Variants in CD109 observed in about 807,000 individuals in gnomAD.
The protein encoded by CD109 is CD109 molecule, also known as CD109 antigen.
Under a neutral mutation model 165.8 loss-of-function variants are expected in CD109, and 149 were observed. The ratio of observed to expected loss-of-function variants is 0.90; its 90% confidence interval spans 0.79 to 1.03. The LOEUF is 1.03. Among genes scored for constraint, CD109 ranks in the 50% least tolerant of loss-of-function variants. CD109 has a pLI of 0.00. For synonymous variants in CD109, 585 were observed against 592.1 expected (o/e 0.99, Z 0.18); for missense variants, 1,712 against 1,677.8 (o/e 1.02, Z -0.36).
At chr6:73,771,250 A>G (rs1774021906) in intron 14 of CD109, among the ~76,000 whole-genome samples, 179 bp from the exon 15 acceptor site, 1 of 152,010 alleles carries the variant, frequency 6.6e-6, no homozygotes, top group African/African-American at 2.4e-5. Flanking sequence ...ACTTGCAAAC[A>G]CTCTGGGCGT....
chr6:73,718,520 G>T (rs1263872152), intron 2 of CD109, among the ~76,000 whole-genome samples: 3 of 151,222 alleles, frequency 2.0e-5, no homozygotes, highest in Non-Finnish European at 4.4e-5. Flanking sequence ...TGTAGTTTTT[G>T]CCCTTCATTC....
intron 25 of CD109, among the ~76,000 whole-genome samples, chr6:73,807,415 A>G (rs16884139): frequency 0.1 from 15,762 of 152,254 alleles, 1,090 homozygotes; most frequent in East Asian, 0.31. Flanking sequence ...GTGTTCTAGC[A>G]AGTTTAGATT....
intron 2 of CD109, among the ~76,000 whole-genome samples, chr6:73,708,850 G>GT (rs1256640425): frequency 4.6e-5 from 7 of 151,748 alleles, no homozygotes; most frequent in East Asian, 1.9e-4. Flanking sequence ...GGGGTTGTTT[G>GT]TTTTTTTTCT....
intron 30 of CD109, among the ~76,000 whole-genome samples, chr6:73,817,174 C>G (rs1775967210): frequency 6.6e-6 from 1 of 152,182 alleles, no homozygotes; most frequent in Non-Finnish European, 1.5e-5. Flanking sequence ...CAAGACCTTA[C>G]CTCATACCAG....
chr6:73,788,379 A>G (rs1774778272), intron 21 of CD109, 89 bp from the exon 22 acceptor site: 1 of 1,118,068 alleles, frequency 8.9e-7, no homozygotes, highest in Non-Finnish European at 1.3e-6. Context: ...CAGACACAAC[A>G]GGTCAGATGT....
chr6:73,782,118 TG>T (rs1319762754), intron 17 of CD109, among the ~76,000 whole-genome samples: 1 of 152,196 alleles, frequency 6.6e-6, no homozygotes, highest in Non-Finnish European at 1.5e-5. Flanking sequence ...TCAGGTATTC[TG>T]TTATTCCATG....
chr6:73,754,099 C>G (rs1459733241), intron 5 of CD109, among the ~76,000 whole-genome samples: 2 of 152,076 alleles, frequency 1.3e-5, no homozygotes. Context: ...GGGGAGAGGG[C>G]AATCAAGAAA....
chr6:73,737,508 A>C (rs1055998897), intron 5 of CD109, among the ~76,000 whole-genome samples: 1 of 152,218 alleles, frequency 6.6e-6, no homozygotes, highest in Non-Finnish European at 1.5e-5. Flanking sequence ...ATTTGAGGCA[A>C]TATTATGAAA....
intron 23 of CD109, among the ~76,000 whole-genome samples, chr6:73,797,809 A>T (rs558747853): frequency 1.3e-5 from 2 of 152,306 alleles, no homozygotes; most frequent in South Asian, 4.2e-4. Context: ...GATGTGTCTT[A>T]TCTGGCCCTT....
intron 23 of CD109, among the ~76,000 whole-genome samples, chr6:73,801,374 T>A (rs1775355045): frequency 1.3e-5 from 2 of 152,248 alleles, no homozygotes. Flanking sequence ...TAATGAGTGC[T>A]GAATGAAAGT....
At chr6:73,687,091 C>A in the CD109 span, among the ~76,000 whole-genome samples, 1 of 152,180 alleles carries the variant, frequency 6.6e-6, no homozygotes, top group East Asian at 1.9e-4. Flanking sequence ...TATTGGACAG[C>A]ATTGGTCTAG....
At chr6:73,770,519 C>T (rs1449083316) in intron 14 of CD109, among the ~76,000 whole-genome samples, 1 of 151,978 alleles carries the variant, frequency 6.6e-6, no homozygotes, top group Non-Finnish European at 1.5e-5. Flanking sequence ...CCGAGGCAGG[C>T]GGATCACCTG....
intron 15 of CD109, 22 bp from the exon 16 acceptor site, chr6:73,780,402 G>A (rs765810891): frequency 2.0e-5 from 28 of 1,398,098 alleles, no homozygotes; most frequent in Middle Eastern, 1.8e-4. Context: ...CATTCATTCC[G>A]TATATTTTAT....
intron 2 of CD109, among the ~76,000 whole-genome samples, 199 bp downstream of exon 2, chr6:73,697,771 C>T (rs1299406310): frequency 1.3e-5 from 2 of 152,194 alleles, no homozygotes; most frequent in African/African-American, 2.4e-5. Flanking sequence ...ACCCAGTTTC[C>T]TTCCATTTTG....
intron 2 of CD109, among the ~76,000 whole-genome samples, chr6:73,709,075 C>T (rs866598593): frequency 1.4e-4 from 22 of 152,202 alleles, no homozygotes; most frequent in South Asian, 2.1e-4. Flanking sequence ...AGTCCTTCCC[C>T]ATGCCTGTGT....
At chr6:73,683,283 C>G in the CD109 span, among the ~76,000 whole-genome samples, 1 of 152,134 alleles carries the variant, frequency 6.6e-6, no homozygotes, top group East Asian at 1.9e-4. Flanking sequence ...CACCAGATAC[C>G]CTAAATCATC....
upstream of CD109, among the ~76,000 whole-genome samples, chr6:73,693,078 T>C (rs569109692): frequency 7.7e-4 from 117 of 152,324 alleles, 1 homozygote; most frequent in Non-Finnish European, 1.3e-3. Context: ...TGCATGGATA[T>C]ACTGTAATTT....
chr6:73,742,190 C>T (rs1772813142), intron 5 of CD109, among the ~76,000 whole-genome samples: 1 of 147,874 alleles, frequency 6.8e-6, no homozygotes, highest in South Asian at 2.2e-4. Flanking sequence ...CTCCCACCCC[C>T]CAGCCCCTGG....
chr6:73,807,163 G>A (rs1486572202), intron 25 of CD109, 91 bp downstream of exon 25: 2 of 918,888 alleles, frequency 2.2e-6, no homozygotes, highest in East Asian at 2.6e-5. Context: ...AACTTAACAA[G>A]TTGCAGCTTT....
Sources: allele counts gnomAD v4.1 joint callset (sites outside exome capture counted in the v4.1 genomes callset), GRCh38; gene constraint gnomAD v4.1.1; transcripts MANE v1.5; gene names NCBI Gene and HGNC (gene_info 2026-07-23, HGNC 2026-07-21).